The following APOOL variants were observed in gnomAD, a reference collection of about 807,000 sequenced individuals.
APOOL encodes MICOS complex subunit MIC27.
In APOOL, 12 loss-of-function variants were observed where a neutral mutation model predicts 23.1. That is an observed-to-expected ratio of 0.52 (90% CI 0.33 to 0.84). The LOEUF is 0.84. Among genes scored for constraint, APOOL ranks in the 40% least tolerant of loss-of-function variants. The pLI, the probability that APOOL is intolerant of heterozygous loss-of-function variation, is 0.02. For missense variants in APOOL, 212 were observed against 199.6 expected (o/e 1.06, Z -0.37); for synonymous variants, 77 against 69.9 (o/e 1.10, Z -0.51).
chrX:85,059,679 T>C lies in APOOL; in HGVS notation c.394+3754T>C, dbSNP rs1435958688. On this transcript the variant is annotated intron_variant, in intron 5 of 8. Transcript: ENST00000373173. ...TTTTTGGCTGCATAAATGTCTTCTT[T>C]TGAGAAGTGTCTGTTCATATCCTTT... Among the ~76,000 whole-genome samples, 6 of 110,510 alleles carry C rather than the reference T, an allele frequency of 5.4e-5. No individual in the cohort carries two copies. In the East Asian group the frequency reaches 1.7e-3, roughly 31 times the overall value.
chrX:85,016,824 C>A (rs914586252), intron 1 of APOOL, among the ~76,000 whole-genome samples: 1 of 112,559 alleles, frequency 8.9e-6, no homozygotes, highest in Non-Finnish European at 1.9e-5. Context: ...TCAAGTCCTG[C>A]TGTTCAGATT....
intron 1 of APOOL, among the ~76,000 whole-genome samples, chrX:85,028,814 T>C (rs1324633749): frequency 1.8e-5 from 2 of 111,513 alleles, no homozygotes; most frequent in Admixed American, 1.9e-4. Flanking sequence ...GCCTGACTTA[T>C]TTCACTTAAC....
intron 8 of APOOL, among the ~76,000 whole-genome samples, chrX:85,076,023 C>G (rs1923825148): frequency 9.0e-6 from 1 of 111,355 alleles, no homozygotes; most frequent in African/African-American, 3.3e-5. Flanking sequence ...GGCTTGTAGA[C>G]AGCCTACTTC....
At chrX:85,084,067 T>C (rs1478091155) in intron 8 of APOOL, among the ~76,000 whole-genome samples, 1 of 110,135 alleles carries the variant, frequency 9.1e-6, no homozygotes, top group Admixed American at 9.8e-5. Context: ...CCTTAATCCA[T>C]TCAAGAGATG....
chrX:85,072,809 C>G (rs1923714094), intron 6 of APOOL, among the ~76,000 whole-genome samples: 1 of 111,516 alleles, frequency 9.0e-6, no homozygotes, highest in African/African-American at 3.3e-5. Flanking sequence ...ACTGTGATCT[C>G]AAGTATTTGA....
chrX:85,061,777 T>C (rs1344667735), intron 5 of APOOL, among the ~76,000 whole-genome samples: 1 of 112,052 alleles, frequency 8.9e-6, no homozygotes, highest in Non-Finnish European at 1.9e-5. Flanking sequence ...TCTCTTTTCT[T>C]CTTTATTAGT....
intron 3 of APOOL, among the ~76,000 whole-genome samples, chrX:85,053,820 T>C (rs1305880785): frequency 8.9e-6 from 1 of 111,752 alleles, no homozygotes; most frequent in African/African-American, 3.2e-5. Context: ...GGATAAACAC[T>C]GGTCTATGTA....
chrX:85,043,076 G>A (rs975378698), intron 1 of APOOL, among the ~76,000 whole-genome samples: 2 of 111,065 alleles, frequency 1.8e-5, no homozygotes, highest in African/African-American at 6.5e-5. Context: ...AGTCTTACGG[G>A]TAAGTTACCT....
Position 85,023,987 on chromosome X carries a change from A to G in APOOL, c.15+20060A>G, listed in dbSNP as rs1342049725. 5.4e-5 allele frequency among the ~76,000 whole-genome samples: 6 copies of G among 111,871 alleles called. No individual in the cohort carries two copies. In the Admixed American group the frequency reaches 5.7e-4, roughly 11 times the overall value. On this transcript the variant is annotated intron_variant, in intron 1 of 8. Coordinates refer to ENST00000373173, the MANE Select transcript of APOOL (RefSeq NM_198450.6). The stretch of plus-strand genomic sequence containing the variant: ...TTGTTGTTTGTTCCCTTATTTGTTT[A>G]GTGACTTTCTTGGACTTACTCGGTG...
At chrX:85,065,986 G>T (rs1923441838) in intron 5 of APOOL, among the ~76,000 whole-genome samples, 1 of 111,170 alleles carries the variant, frequency 9.0e-6, no homozygotes, top group Non-Finnish European at 1.9e-5. Flanking sequence ...CGCCACCTCA[G>T]TCCATTCTAG....
intron 3 of APOOL, among the ~76,000 whole-genome samples, chrX:85,052,200 A>G (rs1922805227): frequency 8.9e-6 from 1 of 112,233 alleles, no homozygotes; most frequent in Non-Finnish European, 1.9e-5. Flanking sequence ...TTCTGAGATT[A>G]CTTCTGAATA....
chrX:85,004,026 G>T (rs1048387395), intron 1 of APOOL, 99 bp downstream of exon 1: 16 of 1,044,381 alleles, frequency 1.5e-5, no homozygotes, highest in Non-Finnish European at 2.1e-5. Flanking sequence ...CCTGAAACAA[G>T]GGGCAGGGTG....
At chrX:85,070,169 A>G (rs1923616105) in intron 6 of APOOL, among the ~76,000 whole-genome samples, 1 of 111,718 alleles carries the variant, frequency 9.0e-6, no homozygotes, top group South Asian at 3.7e-4. Context: ...CATTTTATTA[A>G]TCAGTCAAGT....
At chrX:85,060,119 A>G (rs1165897996) in intron 5 of APOOL, among the ~76,000 whole-genome samples, 1 of 109,802 alleles carries the variant, frequency 9.1e-6, no homozygotes, top group Non-Finnish European at 1.9e-5. Flanking sequence ...TCCCAGCACC[A>G]TTTATTAAAT....
intron 1 of APOOL, among the ~76,000 whole-genome samples, chrX:85,020,850 C>T (rs1401514753): frequency 9.0e-6 from 1 of 111,687 alleles, no homozygotes; most frequent in East Asian, 2.8e-4. Flanking sequence ...CAGGCAGGAC[C>T]CTCTAGCCCC....
At chrX:85,040,127 A>G (rs1011078619) in intron 1 of APOOL, among the ~76,000 whole-genome samples, 1 of 111,811 alleles carries the variant, frequency 8.9e-6, no homozygotes, top group Admixed American at 9.5e-5. Flanking sequence ...TGTTTGTCTG[A>G]CAAGAATCTT....
At position 85,055,836 on chromosome X, in the gene APOOL, T is replaced by G. The variant is rs758192471; in HGVS notation, c.305T>G (p.Val102Gly). 8.4e-7 allele frequency: 1 copy of G among 1,191,033 alleles called. No individual in the cohort carries two copies. Among genetic ancestry groups the G allele is most frequent in the Non-Finnish European group, 1.1e-6 (1 of 883,364 alleles). ...TAACTGATTTCTTGAGATGCTTATG[T>G]CTATCTGAAGAATCCTCCTCGAGAT... ...DTVQFGKDAY[V>G]YLKNPPRDFL... Residue 102 changes from valine (V) to glycine (G), a missense_variant, in exon 5 of 9, where the codon GTC becomes GGC. Val to Gly is a moderately radical substitution (Grantham distance 109). Coordinates refer to ENST00000373173, the MANE Select transcript of APOOL (RefSeq NM_198450.6).
At position 85,088,426 on chromosome X, in the gene APOOL, A is replaced by C. The variant is rs1402133866; in HGVS notation, c.*748A>C. The C allele has an allele frequency of 1.1e-5, 1 of 92,862 alleles. No individual in the cohort carries two copies. Among genetic ancestry groups the C allele is most frequent in the Non-Finnish European group, 2.0e-5 (1 of 48,892 alleles). The allele number at this position is 92,862 out of a possible 1,213,427, so 7.7% of individuals were successfully genotyped here. A position where few individuals can be genotyped will look rare whatever the true frequency, so the allele number is the denominator to read the frequency against. ...TTTGTCCCTTGGTTTTGTTAATGTT[A>C]ATTCCTCTTAAATATCTAAAAACAT... On this transcript the variant is annotated 3_prime_UTR_variant, in exon 9 of 9. Coordinates refer to ENST00000373173, the MANE Select transcript of APOOL (RefSeq NM_198450.6).
At chrX:85,083,932 A>T (rs1221009323) in intron 8 of APOOL, among the ~76,000 whole-genome samples, 2 of 111,039 alleles carry the variant, frequency 1.8e-5, no homozygotes, top group Admixed American at 1.9e-4. Flanking sequence ...AAAAAGCTTT[A>T]AGCAGAAAAT....
Sources: gnomAD v4.1 joint callset for allele counts (sites outside exome capture counted in the v4.1 genomes callset) on GRCh38, gnomAD v4.1.1 for gene constraint, MANE v1.5 for transcripts, NCBI Gene and HGNC (gene_info 2026-07-23, HGNC 2026-07-21) for gene names.